Variants in SPEF2 observed in about 807,000 individuals in gnomAD.
The protein encoded by SPEF2 is sperm flagellar and cilia associated 2, also known as sperm flagella and cilia-associated protein 2.
SPEF2 carries 187 observed loss-of-function variants against 224.6 expected under a neutral mutation model. The ratio of observed to expected loss-of-function variants is 0.83; its 90% CI spans 0.74 to 0.94. The LOEUF (loss-of-function observed/expected upper bound fraction) is 0.94, where lower values mean the gene tolerates loss of function less well. Ranked by LOEUF, SPEF2 falls within the 40% of genes least tolerant of loss-of-function variation. The pLI, the probability that SPEF2 is intolerant of heterozygous loss-of-function variation, is 0.00. For missense variants in SPEF2, 2,170 were observed against 2,135.6 expected, an observed-to-expected ratio of 1.02 and a Z score of -0.32; for synonymous variants, 715 against 707.3, an observed-to-expected ratio of 1.01 and a Z score of -0.17.
intron 20 of SPEF2, among the ~76,000 whole-genome samples, chr5:35,725,844 A>C (rs1205887739): frequency 2.0e-5 from 3 of 152,150 alleles, no homozygotes; most frequent in African/African-American, 7.2e-5. Flanking sequence ...TGATACTATC[A>C]GGTTCTTACA....
At chr5:35,641,380 G>T (rs767891851) in intron 2 of SPEF2, 51 bp from the exon 3 acceptor site, 1 of 1,542,578 alleles carries the variant, frequency 6.5e-7, no homozygotes, top group Non-Finnish European at 8.8e-7. Context: ...TTTGTTGTTT[G>T]TCTTTAATTT....
At chr5:35,748,878 C>G (rs1580566520) in intron 23 of SPEF2, among the ~76,000 whole-genome samples, 1 of 151,964 alleles carries the variant, frequency 6.6e-6, no homozygotes, top group Non-Finnish European at 1.5e-5. Flanking sequence ...AGGACATAAC[C>G]AAAAAAGAAA....
At chr5:35,724,527 C>G (rs1435064627) in intron 20 of SPEF2, among the ~76,000 whole-genome samples, 1 of 152,100 alleles carries the variant, frequency 6.6e-6, no homozygotes, top group Non-Finnish European at 1.5e-5. Flanking sequence ...GAACATTTAT[C>G]AATATGAACT....
chr5:35,780,448 G>A (rs570294101), intron 30 of SPEF2, among the ~76,000 whole-genome samples: 10 of 152,128 alleles, frequency 6.6e-5, no homozygotes, highest in Non-Finnish European at 8.8e-5. Flanking sequence ...ACAGCTCCAA[G>A]GTATAAAAGC....
At chr5:35,618,794 A>G (rs1743034684) in intron 1 of SPEF2, among the ~76,000 whole-genome samples, 1 of 152,052 alleles carries the variant, frequency 6.6e-6, no homozygotes, top group African/African-American at 2.4e-5. Context: ...AACCACAGAG[A>G]CAATTTTACA....
rs1435866818 is a variant in SPEF2, at chr5:35,618,031, G to A, written c.34G>A (p.Glu12Lys). 3 of 1,587,882 alleles carry A rather than the reference G, an allele frequency of 1.9e-6. No homozygotes were observed. Among genetic ancestry groups the A allele is most frequent in the Non-Finnish European group, 2.6e-6 (3 of 1,164,522 alleles). ...GATCCTGTGCCAGTGGCTCAACAAG[G>A]AGTTGAAGGTGTCCCGGACCGTGAG... ...SEILCQWLNKELKVSRTVSPK... is the reference protein window; with the variant it reads ...SEILCQWLNKKLKVSRTVSPK... Residue 12 changes from glutamate to lysine, a missense_variant, in exon 1 of 37, where the codon GAG becomes AAG. Transcript: ENST00000356031.
At position 35,691,805 on chromosome 5, in the gene SPEF2, AT is replaced by A. The variant is rs1409133602; in HGVS notation, c.1744+552del. On this transcript the variant is annotated intron_variant, in intron 11 of 36. Coordinates refer to ENST00000356031, the MANE Select transcript of SPEF2 (RefSeq NM_024867.4). ...ATCTTTGTTTTATTTTTATTTATTT[AT>A]TTATTTTTTCGAGACAGAGTCTCGC... 3.3e-5 allele frequency among the ~76,000 whole-genome samples: 5 copies of A among 151,790 alleles called. No homozygotes were observed. In the South Asian group the frequency reaches 1.0e-3, roughly 32 times the overall value.
Position 35,806,963 on chromosome 5 carries a change from T to C in SPEF2, c.5256+11T>C, listed in dbSNP as rs1256740805. 1.3e-6 allele frequency: 2 copies of C among 1,584,842 alleles called. No individual in the cohort carries two copies. Among genetic ancestry groups the C allele is most frequent in the East Asian group, 2.2e-5 (1 of 44,612 alleles). ...AACATTTATGCAGAGGTTGGTTAAA[T>C]TATTTTGAAAAAAGTTGGCCTCAAT... On this transcript the variant is annotated intron_variant, in intron 35 of 36. Coordinates refer to ENST00000356031, the MANE Select transcript of SPEF2 (RefSeq NM_024867.4).
At chr5:35,775,235 G>A (rs1018072502) in intron 28 of SPEF2, among the ~76,000 whole-genome samples, 1 of 150,976 alleles carries the variant, frequency 6.6e-6, no homozygotes, top group Non-Finnish European at 1.5e-5. Context: ...ATCCAGCCTG[G>A]GCAACATAGT....
intron 24 of SPEF2, among the ~76,000 whole-genome samples, chr5:35,757,495 A>G (rs1750628545): frequency 1.3e-5 from 2 of 152,162 alleles, no homozygotes; most frequent in Admixed American, 1.3e-4. Context: ...TATAACCTCA[A>G]CACACTTATT....
chr5:35,685,961 C>T (rs1460783043), intron 10 of SPEF2, among the ~76,000 whole-genome samples: 3 of 151,614 alleles, frequency 2.0e-5, no homozygotes, highest in African/African-American at 7.3e-5. Flanking sequence ...TGTACCCTGT[C>T]TTTTGTTTTG....
chr5:35,728,073 A>G (rs1001697208), intron 21 of SPEF2, among the ~76,000 whole-genome samples: 2 of 152,142 alleles, frequency 1.3e-5, no homozygotes, highest in African/African-American at 4.8e-5. Flanking sequence ...GTGAGGAACA[A>G]TTTTCTTCTC....
At chr5:35,777,775 G>T in intron 29 of SPEF2, among the ~76,000 whole-genome samples, 1 of 151,718 alleles carries the variant, frequency 6.6e-6, no homozygotes. Context: ...TTTTCCTTCC[G>T]TTGTTAAGAT....
intron 10 of SPEF2, among the ~76,000 whole-genome samples, chr5:35,678,331 G>T (rs940466172): frequency 6.6e-6 from 1 of 152,202 alleles, no homozygotes; most frequent in African/African-American, 2.4e-5. Context: ...CCCACAATCT[G>T]CTTCTAACCA....
chr5:35,626,194 A>T (rs941346075), intron 1 of SPEF2, among the ~76,000 whole-genome samples: 1 of 152,152 alleles, frequency 6.6e-6, no homozygotes, highest in African/African-American at 2.4e-5. Flanking sequence ...TTCTCTAAGT[A>T]TATTTTCTCA....
In SPEF2 at chr5:35,628,410, T is replaced by A. The variant is rs767052033; in HGVS notation, c.59-50T>A. On this transcript the variant is annotated intron_variant, in intron 1 of 36. Coordinates refer to ENST00000356031, the MANE Select transcript of SPEF2 (RefSeq NM_024867.4). ...GTATATTTAAAGAGATCATTAGCTCTATGCGCAACATTGTATTCATGGTTT... is the reference window on the plus strand; with the variant it reads ...GTATATTTAAAGAGATCATTAGCTCAATGCGCAACATTGTATTCATGGTTT... 4.9e-6 allele frequency: 6 copies of A among 1,222,236 alleles called. No individual in the cohort carries two copies. The Admixed American group carries it at 1.1e-4, about 21-fold the overall frequency. The allele number at this position is 1,222,236 out of a possible 1,614,324, so 75.7% of individuals were successfully genotyped here.
chr5:35,797,325 T>G (rs1262164157), intron 33 of SPEF2, among the ~76,000 whole-genome samples: 7 of 85,042 alleles, frequency 8.2e-5, no homozygotes, highest in Non-Finnish European at 1.9e-4. Flanking sequence ...CGGGTGTGTG[T>G]GTGTGTGTGT....
In SPEF2 at chr5:35,700,590, A is replaced by G. The variant is rs1738414842; in HGVS notation, c.2236A>G (p.Arg746Gly). The G allele has an allele frequency of 4.3e-6, 7 of 1,613,954 alleles. No individual in the cohort carries two copies. The highest frequency in any genetic ancestry group is 5.9e-6 in the Non-Finnish European group (7 of 1,179,960). ...GGAAGAAGCTCTTACAGGCTGCAAT[A>G]GAAACCTCACAGAAGTGGAAAGAAA... ...LLEEALTGCNRNLTEVERKKA... is the reference protein window; with the variant it reads ...LLEEALTGCNGNLTEVERKKA... The change falls in exon 16 of 37, where the codon AGA becomes GGA. Residue 746 changes from arginine (R) to glycine (G), a missense_variant. Coordinates refer to ENST00000356031, the MANE Select transcript of SPEF2 (RefSeq NM_024867.4).
chr5:35,740,214 G>T lies in SPEF2; in HGVS notation c.3277G>T (p.Asp1093Tyr), dbSNP rs751322523. ...QWQADFNSLP[D>Y]DLWDDEETKA... is the part of the protein sequence containing the mutation. ...GCAGGCTGATTTCAACTCCCTTCCTGATGACCTGTGGGATGATGAGGAAAC... is the reference window on the plus strand; with the variant it reads ...GCAGGCTGATTTCAACTCCCTTCCTTATGACCTGTGGGATGATGAGGAAAC... The change falls in exon 23 of 37, where the codon GAT becomes TAT. Residue 1093 changes from aspartate to tyrosine, a missense_variant. Transcript: ENST00000356031. The T allele has an allele frequency of 2.0e-5, 33 of 1,614,092 alleles. 1 individual carries two copies. Among genetic ancestry groups the T allele is most frequent in the Middle Eastern group, 3.3e-4 (2 of 6,062 alleles).
Sources: allele counts gnomAD v4.1 joint callset (sites outside exome capture counted in the v4.1 genomes callset), GRCh38; gene constraint gnomAD v4.1.1; transcripts MANE v1.5; gene names NCBI Gene and HGNC (gene_info 2026-07-23, HGNC 2026-07-21).